The following MYO9A variants were observed in gnomAD, a reference collection of about 807,000 sequenced individuals.
The protein encoded by MYO9A is unconventional myosin-IXa.
In MYO9A, 103 loss-of-function variants were observed where a neutral mutation model predicts 293.3. The observed-to-expected ratio is 0.35, with a 90% CI of 0.30 to 0.41. The LOEUF (loss-of-function observed/expected upper bound fraction) is 0.41, where lower values mean the gene tolerates loss of function less well. Ranked by LOEUF, MYO9A falls within the 10% of genes least tolerant of loss-of-function variation. MYO9A has a pLI of 1.00. For synonymous variants in MYO9A, 1,001 were observed against 1,035.7 expected, an observed-to-expected ratio of 0.97 and a Z score of 0.64; for missense variants, 2,685 against 3,033.0, an observed-to-expected ratio of 0.89 and a Z score of 2.69.
At chr15:71,929,340 T>G (rs1346381479) in intron 18 of MYO9A, among the ~76,000 whole-genome samples, 1 of 152,178 alleles carries the variant, frequency 6.6e-6, no homozygotes, top group Non-Finnish European at 1.5e-5. Flanking sequence ...GTAACAGAAG[T>G]GGTGACAGTG....
intron 2 of MYO9A, among the ~76,000 whole-genome samples, chr15:72,038,071 C>T (rs967432450): frequency 9.2e-5 from 14 of 152,130 alleles, no homozygotes; most frequent in African/African-American, 3.1e-4. Flanking sequence ...TGCATACCAA[C>T]ACATCCAGCT....
At position 72,014,705 on chromosome 15, in the gene MYO9A, G is replaced by GGAAAA. The variant is rs751999713; in HGVS notation, c.1156-4263_1156-4259dup. Among the ~76,000 whole-genome samples, 11 of 104,252 alleles carry GGAAAA rather than the reference G, an allele frequency of 1.1e-4. No homozygotes were observed. The East Asian group carries it at 2.3e-3, about 22-fold the overall frequency. The allele number at this position is 104,252 out of a possible 152,430, so 68.4% of individuals were successfully genotyped here. A position where few individuals can be genotyped will look rare whatever the true frequency, so the allele number is the denominator to read the frequency against. ...CATGAAAGAAAGAAAAGAAAGAAAA[G>GGAAAA]GAAAAGAAAAGAAAAGAAGAGAAGA... On this transcript the variant is annotated intron_variant, in intron 6 of 41. Coordinates refer to ENST00000356056, the MANE Select transcript of MYO9A (RefSeq NM_006901.4).
At chr15:71,850,451 C>G (rs557708819) in intron 37 of MYO9A, among the ~76,000 whole-genome samples, 44 of 152,250 alleles carry the variant, frequency 2.9e-4, no homozygotes, top group Admixed American at 5.9e-4. Context: ...AGGCCAAGAT[C>G]ACTAGATGAA....
intron 8 of MYO9A, among the ~76,000 whole-genome samples, chr15:72,001,069 C>G (rs1471640820): frequency 6.6e-6 from 1 of 152,172 alleles, no homozygotes; most frequent in African/African-American, 2.4e-5. Flanking sequence ...AATATGCTCT[C>G]TCAGCAGTAG....
chr15:72,097,932 A>T lies in MYO9A; in HGVS notation c.-72+19748T>A, dbSNP rs563431736. On this transcript the variant is annotated intron_variant, in intron 1 of 41. Coordinates refer to ENST00000356056, the MANE Select transcript of MYO9A (RefSeq NM_006901.4). ...TCAAAAATAAATAAATAAAATAAAA[A>T]TTTTTTTAAAAAAAAGAAGAAACAG... 2.1e-4 allele frequency among the ~76,000 whole-genome samples: 32 copies of T among 152,120 alleles called. No individual in the cohort carries two copies. In the South Asian group the frequency reaches 2.7e-3, roughly 13 times the overall value.
chr15:72,009,560 C>T (rs1451358315), intron 7 of MYO9A, among the ~76,000 whole-genome samples: 3 of 150,304 alleles, frequency 2.0e-5, no homozygotes, highest in Non-Finnish European at 4.4e-5. Context: ...AAAAAAAATA[C>T]AAAATTAGCT....
In MYO9A at chr15:71,854,388, C is replaced by T; in HGVS notation, c.6335G>A (p.Gly2112Asp). The change falls in exon 35 of 42, where the codon GGT becomes GAT. Residue 2112 changes from glycine to aspartate, a missense_variant. Physicochemically the swap from Gly to Asp is moderately conservative, Grantham distance 94 (BLOSUM62 -1). Around this residue, in one of 10 missense-constraint regions of MYO9A, gnomAD observed 238 missense variants for 269.1 expected, o/e 0.88. Transcript: ENST00000356056. Reference sequence around the variant, plus strand: ...GGGCACTATCTTACCTGTATCTAGACCCTGCCGAAGCTCCTTGATTTTATT... The same window carrying T: ...GGGCACTATCTTACCTGTATCTAGATCCTGCCGAAGCTCCTTGATTTTATT... Reference protein sequence around the residue: ...STNKIKELRQGLDTDAESVNL... With the variant: ...STNKIKELRQDLDTDAESVNL... The T allele has an allele frequency of 6.3e-7, 1 of 1,590,232 alleles. No homozygotes were observed. The highest frequency in any genetic ancestry group is 8.5e-7 in the Non-Finnish European group (1 of 1,169,972).
chr15:72,013,347 C>A (rs2077229341), intron 6 of MYO9A, among the ~76,000 whole-genome samples: 1 of 152,164 alleles, frequency 6.6e-6, no homozygotes, highest in Non-Finnish European at 1.5e-5. Flanking sequence ...ATTCCCAAGT[C>A]ACTTCTAGAG....
intron 1 of MYO9A, among the ~76,000 whole-genome samples, chr15:72,055,531 C>A (rs925079358): frequency 6.6e-6 from 1 of 151,952 alleles, no homozygotes; most frequent in Non-Finnish European, 1.5e-5. Context: ...AAAAGACAAC[C>A]CACAGAGTGT....
In MYO9A at chr15:72,118,055, C is replaced by G; in HGVS notation, c.-447G>C. 2.5e-6 allele frequency: 1 copy of G among 396,148 alleles called. No individual in the cohort carries two copies. The highest frequency in any genetic ancestry group is 4.5e-6 in the Non-Finnish European group (1 of 224,414). The allele number at this position is 396,148 out of a possible 1,614,324, so 24.5% of individuals were successfully genotyped here. ...CTCAACAGACACAGCCAACCGCCGC[C>G]GCGTCCCTTATCCGCTTCGGTCGCG... On this transcript the variant is annotated 5_prime_UTR_variant, in exon 1 of 42. Coordinates refer to ENST00000356056, the MANE Select transcript of MYO9A (RefSeq NM_006901.4).
At chr15:71,989,456 T>G (rs924240775) in intron 11 of MYO9A, among the ~76,000 whole-genome samples, 1 of 152,134 alleles carries the variant, frequency 6.6e-6, no homozygotes, top group Non-Finnish European at 1.5e-5. Flanking sequence ...GTCTCTTATA[T>G]AAAATGGCTT....
chr15:72,050,198 A>G (rs1007598891), intron 1 of MYO9A, among the ~76,000 whole-genome samples: 5 of 151,654 alleles, frequency 3.3e-5, no homozygotes, highest in African/African-American at 1.2e-4. Flanking sequence ...GTCTCAAAAT[A>G]CCACTCAGAA....
chr15:71,969,765 T>G (rs1323404151), intron 12 of MYO9A, among the ~76,000 whole-genome samples: 1 of 152,122 alleles, frequency 6.6e-6, no homozygotes, highest in Non-Finnish European at 1.5e-5. Flanking sequence ...AGATGGAAAG[T>G]TCCTGCATTC....
Position 72,100,989 on chromosome 15 carries a change from T to A in MYO9A, c.-72+16691A>T, listed in dbSNP as rs55999839. Among the ~76,000 whole-genome samples, 408 of 124,208 alleles carry A rather than the reference T, an allele frequency of 3.3e-3. 24 individuals are homozygous for A. Among genetic ancestry groups the A allele is most frequent in the Non-Finnish European group, 4.6e-3 (272 of 59,092 alleles). The allele number at this position is 124,208 out of a possible 152,430, so 81.5% of individuals were successfully genotyped here. On this transcript the variant is annotated intron_variant, in intron 1 of 41. Coordinates refer to ENST00000356056, the MANE Select transcript of MYO9A (RefSeq NM_006901.4). ...GAGGTGGGGGGGTCAGCCCCCCGCC[T>A]GGCCAGCCGCCCCGTCCGGGAGGGA...
chr15:71,968,181 A>G, intron 12 of MYO9A, 56 bp from the exon 13 acceptor site: 1 of 1,419,908 alleles, frequency 7.0e-7, no homozygotes, highest in Non-Finnish European at 9.4e-7. Context: ...AAGATGCGGT[A>G]ATTAGTACAG....
intron 15 of MYO9A, among the ~76,000 whole-genome samples, chr15:71,946,557 C>T (rs1406483862): frequency 1.3e-5 from 2 of 152,134 alleles, no homozygotes; most frequent in African/African-American, 4.8e-5. Flanking sequence ...AGCTTTGTGT[C>T]TTCTCTCACT....
intron 1 of MYO9A, among the ~76,000 whole-genome samples, chr15:72,051,684 C>G (rs116572390): frequency 6.6e-6 from 1 of 152,132 alleles, no homozygotes; most frequent in Non-Finnish European, 1.5e-5. Flanking sequence ...AGTGTGCACA[C>G]GCTCCAGATA....
intron 12 of MYO9A, among the ~76,000 whole-genome samples, chr15:71,970,907 C>A (rs137968634): frequency 0.03 from 4,582 of 152,006 alleles, 151 homozygotes; most frequent in Admixed American, 0.085. Context: ...ACCTGTAATC[C>A]CAGCAATTTG....
At chr15:71,989,684 C>T (rs1468553160) in intron 11 of MYO9A, among the ~76,000 whole-genome samples, 2 of 152,036 alleles carry the variant, frequency 1.3e-5, no homozygotes, top group African/African-American at 2.4e-5. Flanking sequence ...ACAATCAACA[C>T]CAGCAATAAA....
Sources: allele counts gnomAD v4.1 joint callset (sites outside exome capture counted in the v4.1 genomes callset), GRCh38; gene constraint gnomAD v4.1.1; regional missense constraint gnomAD v4.1.1; transcripts MANE v1.5; gene names NCBI Gene and HGNC (gene_info 2026-07-23, HGNC 2026-07-21).